Variants in ARHGEF9 observed in about 807,000 individuals in gnomAD.
The protein encoded by ARHGEF9 is Cdc42 guanine nucleotide exchange factor 9, also known as rho guanine nucleotide exchange factor 9.
A neutral mutation model predicts 41.3 loss-of-function variants in ARHGEF9; 2 were observed. That is an observed-to-expected ratio of 0.05 (90% CI 0.02 to 0.15). The LOEUF is 0.15. Ranked by LOEUF, ARHGEF9 falls within the 10% of genes least tolerant of loss-of-function variation. The pLI, the probability that ARHGEF9 is intolerant of heterozygous loss-of-function variation, is 1.00. For synonymous variants in ARHGEF9, 160 were observed against 154.4 expected, an observed-to-expected ratio of 1.04 and a Z score of -0.27; for missense variants, 225 against 424.7, an observed-to-expected ratio of 0.53 and a Z score of 4.13.
intron 8 of ARHGEF9, among the ~76,000 whole-genome samples, chrX:63,649,883 A>C (rs2048421059): frequency 8.9e-6 from 1 of 112,083 alleles, no homozygotes; most frequent in African/African-American, 3.2e-5. Context: ...TCCCATGTCT[A>C]AAATGATTTT....
rs2048825879 is a variant in ARHGEF9, at chrX:63,655,596, C to T, written c.1219G>A (p.Glu407Lys). 8.3e-7 allele frequency: 1 copy of T among 1,209,760 alleles called. No homozygotes were observed. The highest frequency in any genetic ancestry group is 1.1e-6 in the Non-Finnish European group (1 of 895,103). ...NAFKLHNKET[E>K]EIHLFFAKKL... ...TTGGCAAAGAACAGATGTATCTCCT[C>T]AGTCTCCTTGTTGTGAAGCTTAAAG... Residue 407 changes from glutamate to lysine, a missense_variant, in exon 8 of 10, where the codon GAG (glutamate) becomes AAG (lysine). Coordinates refer to ENST00000671741, the MANE Select transcript of ARHGEF9 (RefSeq NM_001353921.2).
chrX:63,760,207 C>G (rs781917453), intron 1 of ARHGEF9, among the ~76,000 whole-genome samples: 1 of 110,620 alleles, frequency 9.0e-6, no homozygotes, highest in Non-Finnish European at 1.9e-5. Flanking sequence ...TTGTCCCGAT[C>G]TCCACTGCTG....
chrX:63,732,203 C>T (rs1212653081), intron 1 of ARHGEF9: 1 of 111,865 alleles, frequency 8.9e-6, no homozygotes, highest in Non-Finnish European at 1.9e-5. Flanking sequence ...GTTCTCTCCA[C>T]TTAGTTCTTC....
chrX:63,698,394 T>G (rs782489610), intron 3 of ARHGEF9, among the ~76,000 whole-genome samples: 1 of 110,613 alleles, frequency 9.0e-6, no homozygotes, highest in Admixed American at 9.7e-5. Flanking sequence ...GCATCTTCCA[T>G]TTGGAACCTA....
intron 6 of ARHGEF9, 24 bp downstream of exon 6, chrX:63,674,014 T>C: frequency 8.3e-7 from 1 of 1,209,578 alleles, no homozygotes; most frequent in Non-Finnish European, 1.1e-6. Flanking sequence ...GATTTCCCAA[T>C]ACCCTGGTTG....
intron 1 of ARHGEF9, chrX:63,755,727 G>A: frequency 1.8e-5 from 7 of 396,747 alleles, no homozygotes; most frequent in Non-Finnish European, 2.2e-5. Context: ...CCCACAATTA[G>A]CTATAAAAAG....
chrX:63,659,403 C>A (rs371077072), intron 7 of ARHGEF9, among the ~76,000 whole-genome samples: 1 of 112,169 alleles, frequency 8.9e-6, no homozygotes, highest in Admixed American at 9.5e-5. Context: ...TGAAGTTTAT[C>A]ATTTCCAATA....
At chrX:63,771,722 G>A (rs1203533721) in intron 1 of ARHGEF9, among the ~76,000 whole-genome samples, 38 of 110,505 alleles carry the variant, frequency 3.4e-4, no homozygotes, top group Non-Finnish European at 6.3e-4. Flanking sequence ...ATGAGCCACC[G>A]CGACTGGCTA....
At chrX:63,750,156 GC>G (rs1556439066) in intron 1 of ARHGEF9, among the ~76,000 whole-genome samples, 1 of 111,985 alleles carries the variant, frequency 8.9e-6, no homozygotes, top group African/African-American at 3.3e-5. Context: ...TTATATCCCT[GC>G]CCAGAGCAAG....
Position 63,635,173 on chromosome X carries a change from G to T in ARHGEF9, c.*2855C>A. ...CACTGTTGCCCATCCATCCACCCCA[G>T]CCCACCCCATCCCCAAAGCACTAAA... On this transcript the variant is annotated 3_prime_UTR_variant, in exon 10 of 10. Transcript: ENST00000671741. The T allele has an allele frequency of 4.0e-6, 1 of 249,140 alleles. No individual in the cohort carries two copies. Among genetic ancestry groups the T allele is most frequent in the Non-Finnish European group, 7.5e-6 (1 of 133,640 alleles). 20.5% of individuals were successfully genotyped at this position (249,140 alleles called of 1,213,427 possible). A position where few individuals can be genotyped will look rare whatever the true frequency, so the allele number is the denominator to read the frequency against.
chrX:63,719,666 C>A, intron 2 of ARHGEF9: 1 of 297,429 alleles, frequency 3.4e-6, no homozygotes, highest in Non-Finnish European at 5.9e-6. Context: ...TTTTGCTTAT[C>A]CTCTTACCAT....
At chrX:63,695,816 A>C (rs1446144766) in intron 4 of ARHGEF9, among the ~76,000 whole-genome samples, 1 of 111,542 alleles carries the variant, frequency 9.0e-6, no homozygotes, top group Non-Finnish European at 1.9e-5. Flanking sequence ...ATTTTAGTAC[A>C]CACTAGGCAG....
intron 4 of ARHGEF9, among the ~76,000 whole-genome samples, chrX:63,680,454 C>T (rs2050550800): frequency 8.9e-6 from 1 of 112,174 alleles, no homozygotes; most frequent in Admixed American, 9.4e-5. Context: ...CTTTATGGGA[C>T]ACTGCCCTAA....
At chrX:63,683,819 A>G (rs1275787942) in intron 4 of ARHGEF9, among the ~76,000 whole-genome samples, 9 of 111,258 alleles carry the variant, frequency 8.1e-5, no homozygotes, top group African/African-American at 2.9e-4. Context: ...TTGGGCCCAT[A>G]TTTTAGACCA....
chrX:63,654,150 T>C (rs2048730758), intron 8 of ARHGEF9, among the ~76,000 whole-genome samples: 1 of 102,572 alleles, frequency 9.7e-6, no homozygotes. Flanking sequence ...TTTACTGTTA[T>C]TATCAAACCA....
At chrX:63,709,429 C>T (rs1203926916) in intron 2 of ARHGEF9, among the ~76,000 whole-genome samples, 1 of 112,389 alleles carries the variant, frequency 8.9e-6, no homozygotes, top group Non-Finnish European at 1.9e-5. Flanking sequence ...CCACGGAGTG[C>T]TTTCCAAATT....
intron 4 of ARHGEF9, among the ~76,000 whole-genome samples, chrX:63,691,660 T>C (rs1602419240): frequency 9.0e-6 from 1 of 110,820 alleles, no homozygotes; most frequent in Non-Finnish European, 1.9e-5. Context: ...AAATGCAATC[T>C]CTATCAAAAT....
intron 1 of ARHGEF9, among the ~76,000 whole-genome samples, chrX:63,766,240 T>C (rs2056111509): frequency 8.9e-6 from 1 of 111,972 alleles, no homozygotes; most frequent in Non-Finnish European, 1.9e-5. Context: ...TCAATAGTAC[T>C]GAATGACTGA....
At chrX:63,666,880 A>G (rs2049611464) in intron 6 of ARHGEF9, among the ~76,000 whole-genome samples, 1 of 111,942 alleles carries the variant, frequency 8.9e-6, no homozygotes, top group Non-Finnish European at 1.9e-5. Flanking sequence ...CAGAGTTTCC[A>G]AGTCCTACTC....
Sources: gnomAD v4.1 joint callset for allele counts (sites outside exome capture counted in the v4.1 genomes callset) on GRCh38, gnomAD v4.1.1 for gene constraint, MANE v1.5 for transcripts, NCBI Gene and HGNC (gene_info 2026-07-23, HGNC 2026-07-21) for gene names.